The following RBFOX1 variants were observed in gnomAD, a reference collection of about 807,000 sequenced individuals.
RBFOX1 encodes RNA binding protein fox-1 homolog 1.
RBFOX1 carries 8 observed loss-of-function variants against 57.7 expected under a neutral mutation model. That is an observed-to-expected ratio of 0.14 (90% CI 0.08 to 0.25). The LOEUF is 0.25. Among genes scored for constraint, RBFOX1 ranks in the 10% least tolerant of loss-of-function variants. The pLI is 1.00. For missense variants in RBFOX1, 611 were observed against 548.5 expected (o/e 1.11, Z -1.14); for synonymous variants, 326 against 222.4 (o/e 1.47, Z -4.15).
At chr16:7,676,966 T>C in intron 14 of RBFOX1, 128 bp downstream of exon 14, 1 of 882,658 alleles carries the variant, frequency 1.1e-6, no homozygotes, top group Non-Finnish European at 1.8e-6. Flanking sequence ...AAAAGTTAGG[T>C]CCCATGGTGA....
chr16:5,666,260 A>C (rs17138303), intron 3 of RBFOX1, among the ~76,000 whole-genome samples: 7,512 of 152,292 alleles, frequency 0.049, 450 homozygotes, highest in East Asian at 0.18. Flanking sequence ...GAGTAAATGC[A>C]TGATTGGAGC....
chr16:5,508,514 A>T (rs888815747), intron 2 of RBFOX1, among the ~76,000 whole-genome samples: 1 of 152,184 alleles, frequency 6.6e-6, no homozygotes, highest in African/African-American at 2.4e-5. Context: ...CCCACTCCCG[A>T]GGTCGGGTGG....
chr16:5,641,674 A>T (rs2048880573), intron 3 of RBFOX1, among the ~76,000 whole-genome samples: 1 of 152,232 alleles, frequency 6.6e-6, no homozygotes, highest in African/African-American at 2.4e-5. Context: ...CAGTGAGCTC[A>T]GCAGGGCAAA....
At chr16:5,842,651 C>T (rs917708427) in intron 3 of RBFOX1, among the ~76,000 whole-genome samples, 1 of 152,170 alleles carries the variant, frequency 6.6e-6, no homozygotes, top group Middle Eastern at 3.2e-3. Flanking sequence ...GAGGTCCATG[C>T]TCTTCCTTCA....
chr16:7,264,007 C>T (rs1348400120), intron 4 of RBFOX1, among the ~76,000 whole-genome samples: 3 of 151,454 alleles, frequency 2.0e-5, no homozygotes, highest in Non-Finnish European at 4.4e-5. Context: ...GGTTTTGTTA[C>T]ATCTTCAGCC....
chr16:7,047,483 G>T (rs955475019), intron 3 of RBFOX1, among the ~76,000 whole-genome samples: 3 of 151,984 alleles, frequency 2.0e-5, no homozygotes, highest in South Asian at 4.1e-4. Flanking sequence ...TGTTTTCAGT[G>T]TTTTAATTTT....
intron 3 of RBFOX1, among the ~76,000 whole-genome samples, chr16:5,699,057 G>A (rs1369027299): frequency 1.4e-5 from 2 of 146,280 alleles, no homozygotes; most frequent in Admixed American, 7.0e-5. Context: ...GCATGATCTC[G>A]GCTCACTGCA....
chr16:7,377,261 A>G (rs74010691), intron 4 of RBFOX1, among the ~76,000 whole-genome samples: 2,410 of 152,312 alleles, frequency 0.016, 62 homozygotes, highest in African/African-American at 0.053. Context: ...GTGACCTCCA[A>G]TGCTCCTGGA....
chr16:7,709,183 C>A, intron 15 of RBFOX1, 52 bp downstream of exon 15: 1 of 1,514,100 alleles, frequency 6.6e-7, no homozygotes, highest in Non-Finnish European at 9.1e-7. Context: ...CCTTCCCTTT[C>A]CCCAGCTGGG....
chr16:5,403,364 A>AC (rs2151443660), intron 1 of RBFOX1, among the ~76,000 whole-genome samples: 1 of 151,326 alleles, frequency 6.6e-6, no homozygotes, highest in African/African-American at 2.4e-5. Context: ...AAAAAAAAAA[A>AC]AAACAAAAAA....
intron 14 of RBFOX1, among the ~76,000 whole-genome samples, chr16:7,688,008 T>A (rs2076434208): frequency 1.3e-5 from 2 of 152,110 alleles, no homozygotes; most frequent in African/African-American, 4.8e-5. Context: ...TAAAAAACAA[T>A]CCTAGCTGAA....
intron 2 of RBFOX1, among the ~76,000 whole-genome samples, chr16:6,323,249 A>G (rs1238957767): frequency 2.6e-5 from 4 of 152,206 alleles, no homozygotes; most frequent in Admixed American, 1.3e-4. Flanking sequence ...AAGTAGTAGC[A>G]TGGGTAAGGA....
chr16:6,705,057 C>G (rs906456443), intron 3 of RBFOX1: 2 of 152,194 alleles, frequency 1.3e-5, no homozygotes, highest in African/African-American at 2.4e-5. Flanking sequence ...CAACCAGATG[C>G]ACTAAGCAGC....
intron 2 of RBFOX1, among the ~76,000 whole-genome samples, chr16:6,399,037 C>T (rs2092957364): frequency 6.6e-6 from 1 of 152,216 alleles, no homozygotes; most frequent in South Asian, 2.1e-4. Context: ...AACCTCAATG[C>T]TTGTCTTCTG....
chr16:6,531,582 C>G (rs1224120996), intron 2 of RBFOX1, among the ~76,000 whole-genome samples: 1 of 152,000 alleles, frequency 6.6e-6, no homozygotes, highest in Non-Finnish European at 1.5e-5. Flanking sequence ...AAACAGCTAC[C>G]TAGGGTTTCA....
At chr16:6,014,053 G>A (rs1386181555), upstream of RBFOX1, among the ~76,000 whole-genome samples, 5 of 152,104 alleles carry the variant, frequency 3.3e-5, no homozygotes, top group Admixed American at 1.3e-4. Flanking sequence ...CATGGTACAT[G>A]TATGCATACG....
At chr16:5,454,744 T>TTTTTCTTTTCTTTCTTTCCTTTTC (rs145711376) in intron 1 of RBFOX1, among the ~76,000 whole-genome samples, 7 of 118,776 alleles carry the variant, frequency 5.9e-5, no homozygotes, top group South Asian at 5.7e-4. Context: ...TCTTTCTTTC[T>TTTTTCTTTTCTTTCTTTCCTTTTC]TTTTCTTTTC....
chr16:5,495,475 T>C (rs1362943615), intron 2 of RBFOX1, among the ~76,000 whole-genome samples: 1 of 152,154 alleles, frequency 6.6e-6, no homozygotes, highest in Admixed American at 6.5e-5. Flanking sequence ...CCTCCAACAC[T>C]TGGGATCACA....
intron 4 of RBFOX1, among the ~76,000 whole-genome samples, chr16:7,183,930 A>G (rs768539137): frequency 6.6e-5 from 10 of 152,176 alleles, no homozygotes; most frequent in South Asian, 6.2e-4. Context: ...TAATAAACCA[A>G]TAAAGAGAGG....
Sources: allele counts gnomAD v4.1 joint callset (sites outside exome capture counted in the v4.1 genomes callset), GRCh38; gene constraint gnomAD v4.1.1; transcripts MANE v1.5; gene names NCBI Gene and HGNC (gene_info 2026-07-23, HGNC 2026-07-21).